Variants in GRIA3 observed in about 807,000 individuals in gnomAD.
The protein encoded by GRIA3 is glutamate receptor 3.
In GRIA3, 3 loss-of-function variants were observed where a neutral mutation model predicts 63.0. The ratio of observed to expected loss-of-function variants is 0.05; its 90% CI spans 0.02 to 0.12. The LOEUF (loss-of-function observed/expected upper bound fraction) is 0.12. Ranked by LOEUF, GRIA3 falls within the 10% of genes least tolerant of loss-of-function variation. The pLI is 1.00. For synonymous variants in GRIA3, 274 were observed against 257.9 expected (o/e 1.06, Z -0.60); for missense variants, 347 against 700.9 (o/e 0.50, Z 5.70).
intron 2 of GRIA3, among the ~76,000 whole-genome samples, chrX:123,236,618 G>A (rs1464980053): frequency 3.6e-5 from 4 of 110,102 alleles, no homozygotes; most frequent in Non-Finnish European, 7.6e-5. Flanking sequence ...ACAGATCTTC[G>A]TATTTTTACA....
intron 2 of GRIA3, among the ~76,000 whole-genome samples, chrX:123,209,651 A>G (rs1346186342): frequency 1.8e-5 from 2 of 112,295 alleles, no homozygotes; most frequent in African/African-American, 6.5e-5. Flanking sequence ...ACCTGTTTCA[A>G]TTTAGCCCAG....
chrX:123,419,081 A>G (rs2045550528), intron 11 of GRIA3, among the ~76,000 whole-genome samples: 1 of 112,337 alleles, frequency 8.9e-6, no homozygotes, highest in Non-Finnish European at 1.9e-5. Flanking sequence ...AGAACAGACT[A>G]CTGACACATC....
intron 3 of GRIA3, among the ~76,000 whole-genome samples, chrX:123,319,449 C>T (rs1218811304): frequency 8.9e-6 from 1 of 112,263 alleles, no homozygotes; most frequent in Non-Finnish European, 1.9e-5. Flanking sequence ...TTATATAAAA[C>T]AGAATGTAAA....
At chrX:123,473,636 T>C (rs773607195) in intron 13 of GRIA3, among the ~76,000 whole-genome samples, 1 of 111,439 alleles carries the variant, frequency 9.0e-6, no homozygotes, top group South Asian at 3.8e-4. Context: ...TCTCCCTCCA[T>C]TGGGCCAAAG....
chrX:123,239,469 T>C (rs2044318661), intron 2 of GRIA3, among the ~76,000 whole-genome samples: 1 of 107,075 alleles, frequency 9.3e-6, no homozygotes, highest in African/African-American at 3.3e-5. Context: ...TCAAACCTTG[T>C]GGTAGTCAAT....
chrX:123,477,425 A>G (rs886234987), intron 13 of GRIA3, among the ~76,000 whole-genome samples: 6 of 112,169 alleles, frequency 5.3e-5, no homozygotes, highest in Admixed American at 9.4e-5. Context: ...GGCACTGTCT[A>G]TATTTCTGTA....
chrX:123,373,271 G>T (rs1488272442), intron 5 of GRIA3, among the ~76,000 whole-genome samples: 1 of 111,568 alleles, frequency 9.0e-6, no homozygotes, highest in Non-Finnish European at 1.9e-5. Context: ...ATCATTGATG[G>T]ACATTTGGGT....
intron 3 of GRIA3, chrX:123,253,790 T>C (rs1219891340): frequency 4.6e-5 from 16 of 351,233 alleles, no homozygotes; most frequent in South Asian, 1.1e-4. Context: ...TGAGTCACCA[T>C]AGTTGAAAAA....
intron 2 of GRIA3, among the ~76,000 whole-genome samples, chrX:123,227,830 C>G (rs767721777): frequency 2.1e-4 from 24 of 112,214 alleles, no homozygotes; most frequent in Non-Finnish European, 7.5e-5. Flanking sequence ...CTTCCCTGCT[C>G]TGTCACCATC....
intron 6 of GRIA3, among the ~76,000 whole-genome samples, chrX:123,396,450 G>C (rs956381856): frequency 1.2e-4 from 13 of 110,333 alleles, no homozygotes; most frequent in African/African-American, 4.3e-4. Flanking sequence ...GTACCCTGTG[G>C]TTGTAGCGAT....
In GRIA3 at chrX:123,205,744, T is replaced by C. The variant is rs760201902; in HGVS notation, c.268+19754T>C. Among the ~76,000 whole-genome samples, 20 of 111,819 alleles carry C rather than the reference T, an allele frequency of 1.8e-4. No individual in the cohort carries two copies. The Admixed American group carries it at 1.8e-3, about 10-fold the overall frequency. On this transcript the variant is annotated intron_variant, in intron 2 of 15. Transcript: ENST00000620443. ...AAGACCCTGAATCATCCATAGAAAA[T>C]TGAATTCTGTTCATTCTTCTGCACT...
intron 3 of GRIA3, among the ~76,000 whole-genome samples, chrX:123,323,116 G>A (rs151216496): frequency 5.5e-4 from 61 of 111,701 alleles, no homozygotes; most frequent in African/African-American, 1.8e-3. Flanking sequence ...AATAATACCT[G>A]CTTCTTGTAA....
At chrX:123,380,298 A>G (rs1163543616) in intron 5 of GRIA3, among the ~76,000 whole-genome samples, 8 of 111,985 alleles carry the variant, frequency 7.1e-5, no homozygotes, top group Non-Finnish European at 1.3e-4. Context: ...CATCCTCTCC[A>G]GCACCTGTTG....
intron 3 of GRIA3, among the ~76,000 whole-genome samples, chrX:123,272,960 G>A (rs1489384402): frequency 9.0e-6 from 1 of 111,415 alleles, no homozygotes; most frequent in Non-Finnish European, 1.9e-5. Flanking sequence ...CCTAAACTTG[G>A]AGCTCTTCCT....
intron 4 of GRIA3, among the ~76,000 whole-genome samples, chrX:123,327,763 T>C (rs2044915267): frequency 9.1e-6 from 1 of 110,145 alleles, no homozygotes; most frequent in Admixed American, 9.7e-5. Flanking sequence ...AGCACTAGCC[T>C]GGTTAAATCA....
At chrX:123,352,338 C>T (rs2045101642) in intron 4 of GRIA3, among the ~76,000 whole-genome samples, 1 of 112,530 alleles carries the variant, frequency 8.9e-6, no homozygotes, top group Non-Finnish European at 1.9e-5. Flanking sequence ...CCTCGGCCTC[C>T]CAAAGTGCTG....
rs1338528421 is a variant in GRIA3, at chrX:123,220,721, T to C, written c.269-32582T>C. On this transcript the variant is annotated intron_variant, in intron 2 of 15. Coordinates refer to ENST00000620443, the MANE Select transcript of GRIA3 (RefSeq NM_007325.5). ...CTTGGTAACATTCAGGGAGACACAT[T>C]CTGTTGTTTCATTTTCCTCTTTTTA... Among the ~76,000 whole-genome samples the C allele has an allele frequency of 2.5e-4, 28 of 112,264 alleles. No homozygotes were observed. In the Admixed American group the frequency reaches 2.6e-3, roughly 11 times the overall value.
intron 2 of GRIA3, among the ~76,000 whole-genome samples, chrX:123,231,247 C>T (rs5911554): frequency 0.33 from 36,088 of 110,703 alleles, 5,240 homozygotes; most frequent in African/African-American, 0.56. Flanking sequence ...AACCCGACTT[C>T]AAAGGAATCA....
At chrX:123,234,987 T>C (rs756170207) in intron 2 of GRIA3, among the ~76,000 whole-genome samples, 2 of 111,387 alleles carry the variant, frequency 1.8e-5, no homozygotes, top group East Asian at 2.8e-4. Flanking sequence ...TGGTACCCTG[T>C]AGTGTGTGCT....
Sources: allele counts gnomAD v4.1 joint callset (sites outside exome capture counted in the v4.1 genomes callset), GRCh38; gene constraint gnomAD v4.1.1; transcripts MANE v1.5; gene names NCBI Gene and HGNC (gene_info 2026-07-23, HGNC 2026-07-21).